SH3PXD2A: variants seen among roughly 807,000 people sequenced by gnomAD.
The protein encoded by SH3PXD2A is SH3 and PX domain-containing protein 2A.
Under a neutral mutation model 115.2 loss-of-function variants are expected in SH3PXD2A, and 32 were observed. The observed-to-expected ratio is 0.28, with a 90% CI of 0.21 to 0.37. SH3PXD2A has a LOEUF of 0.37. Among genes scored for constraint, SH3PXD2A ranks in the 10% least tolerant of loss-of-function variants. The probability of loss-of-function intolerance (pLI) is 1.00; values close to 1 mark genes in which losing one functional copy is unlikely to be tolerated. For synonymous variants in SH3PXD2A, 610 were observed against 629.1 expected, an observed-to-expected ratio of 0.97 and a Z score of 0.45; for missense variants, 1,328 against 1,498.7, an observed-to-expected ratio of 0.89 and a Z score of 1.88.
intron 2 of SH3PXD2A, among the ~76,000 whole-genome samples, chr10:103,790,204 G>T (rs1178121901): frequency 6.6e-6 from 1 of 151,660 alleles, no homozygotes; most frequent in Non-Finnish European, 1.5e-5. Flanking sequence ...GCCCAGGCTG[G>T]AGAGCAGTGG....
chr10:103,717,529 T>C (rs1332053162), intron 5 of SH3PXD2A, among the ~76,000 whole-genome samples: 1 of 152,136 alleles, frequency 6.6e-6, no homozygotes, highest in Non-Finnish European at 1.5e-5. Context: ...AAGAAAAGAA[T>C]GAGGGCGTGG....
intron 8 of SH3PXD2A, among the ~76,000 whole-genome samples, chr10:103,659,020 G>A (rs769880205): frequency 1.3e-4 from 20 of 152,346 alleles, no homozygotes; most frequent in Admixed American, 6.5e-4. Context: ...ACGGGTGGCC[G>A]TGGGGAGCTG....
At chr10:103,708,894 G>A (rs1317482849) in intron 5 of SH3PXD2A, among the ~76,000 whole-genome samples, 1 of 151,968 alleles carries the variant, frequency 6.6e-6, no homozygotes, top group Non-Finnish European at 1.5e-5. Flanking sequence ...ACTGGCTCCT[G>A]AGGCAACACT....
chr10:103,726,043 G>A lies in SH3PXD2A; in HGVS notation c.307-1682C>T, dbSNP rs1178490585. 2.0e-5 allele frequency among the ~76,000 whole-genome samples: 3 copies of A among 152,060 alleles called. No individual in the cohort carries two copies. In the East Asian group the frequency reaches 5.8e-4, roughly 29 times the overall value. Reference sequence around the variant, plus strand: ...AATTTAGTATGGGGAGAAATACTGGGGCAAGGAAGGATCCCCTGGTCCAAA... The same window carrying A: ...AATTTAGTATGGGGAGAAATACTGGAGCAAGGAAGGATCCCCTGGTCCAAA... On this transcript the variant is annotated intron_variant, in intron 4 of 14. Coordinates refer to ENST00000369774, the MANE Select transcript of SH3PXD2A (RefSeq NM_001394015.1).
chr10:103,794,973 A>T (rs2039072479), intron 2 of SH3PXD2A, among the ~76,000 whole-genome samples: 1 of 152,168 alleles, frequency 6.6e-6, no homozygotes, highest in Admixed American at 6.5e-5. Flanking sequence ...TCAGGGGGCA[A>T]CTCAGGAAGG....
At chr10:103,824,041 T>C (rs1351237393) in intron 1 of SH3PXD2A, among the ~76,000 whole-genome samples, 1 of 152,160 alleles carries the variant, frequency 6.6e-6, no homozygotes, top group Non-Finnish European at 1.5e-5. Flanking sequence ...CCCCAACCCC[T>C]GGGAGGAAAT....
chr10:103,796,220 A>G (rs529725096), intron 2 of SH3PXD2A, among the ~76,000 whole-genome samples: 17 of 151,866 alleles, frequency 1.1e-4, no homozygotes, highest in African/African-American at 4.1e-4. Context: ...AAAATTAGCT[A>G]GTCATAGTGG....
chr10:103,606,632 T>C (rs1004350110), intron 13 of SH3PXD2A, among the ~76,000 whole-genome samples: 17 of 152,160 alleles, frequency 1.1e-4, no homozygotes, highest in Admixed American at 5.2e-4. Context: ...GTGCCTGCGA[T>C]TGCAGGCGCG....
At chr10:103,823,472 C>T (rs1054629078) in intron 1 of SH3PXD2A, among the ~76,000 whole-genome samples, 1 of 152,232 alleles carries the variant, frequency 6.6e-6, no homozygotes, top group Admixed American at 6.5e-5. Context: ...TTCATGGCAA[C>T]TGAGGCACAG....
chr10:103,689,943 T>C (rs1329357567), intron 6 of SH3PXD2A, among the ~76,000 whole-genome samples: 4 of 152,134 alleles, frequency 2.6e-5, no homozygotes, highest in Non-Finnish European at 4.4e-5. Flanking sequence ...AGATTTACAG[T>C]GAACCCCAGA....
At chr10:103,715,401 G>A (rs1254794680) in intron 5 of SH3PXD2A, among the ~76,000 whole-genome samples, 1 of 152,186 alleles carries the variant, frequency 6.6e-6, no homozygotes, top group Non-Finnish European at 1.5e-5. Flanking sequence ...CCCTTGAGGT[G>A]ATTAGCCTAC....
intron 1 of SH3PXD2A, among the ~76,000 whole-genome samples, chr10:103,824,912 C>T (rs1280324781): frequency 1.3e-5 from 2 of 152,244 alleles, no homozygotes; most frequent in African/African-American, 4.8e-5. Flanking sequence ...AAGCAATTCT[C>T]GTGCCTCAGC....
chr10:103,767,027 G>T (rs767146651), intron 3 of SH3PXD2A, 67 bp downstream of exon 3: 2 of 1,214,002 alleles, frequency 1.6e-6, no homozygotes, highest in Middle Eastern at 2.0e-4. Context: ...TACTCTTCTC[G>T]GCCTAAGGGA....
chr10:103,663,827 C>G (rs1041592554), intron 7 of SH3PXD2A, among the ~76,000 whole-genome samples: 2 of 152,258 alleles, frequency 1.3e-5, no homozygotes, highest in Admixed American at 1.3e-4. Context: ...GAGGTGTGGG[C>G]CCTGCAGGCC....
chr10:103,801,140 A>G (rs567415164), intron 2 of SH3PXD2A, 142 bp downstream of exon 2: 15 of 614,312 alleles, frequency 2.4e-5, no homozygotes, highest in Non-Finnish European at 4.1e-5. Context: ...TCCACCTTCC[A>G]GCTTCCCTCC....
chr10:103,706,152 T>C (rs1275226003), intron 5 of SH3PXD2A, among the ~76,000 whole-genome samples: 5 of 152,220 alleles, frequency 3.3e-5, no homozygotes, highest in African/African-American at 4.8e-5. Flanking sequence ...GGTCACAGTG[T>C]CACAGCGTCC....
intron 3 of SH3PXD2A, among the ~76,000 whole-genome samples, chr10:103,750,144 C>T (rs80056983): frequency 0.17 from 26,424 of 152,110 alleles, 2,848 homozygotes; most frequent in East Asian, 0.3. Context: ...CCTCGACCTC[C>T]GAGCCTAAGT....
intron 3 of SH3PXD2A, among the ~76,000 whole-genome samples, chr10:103,737,122 G>C (rs540759283): frequency 6.6e-6 from 1 of 152,366 alleles, no homozygotes; most frequent in Admixed American, 6.5e-5. Flanking sequence ...AAAGCTTCTT[G>C]AGTGATTGAA....
chr10:103,841,292 C>T (rs2134317468), intron 1 of SH3PXD2A, among the ~76,000 whole-genome samples: 2 of 152,308 alleles, frequency 1.3e-5, no homozygotes, highest in Admixed American at 1.3e-4. Context: ...ACGCCCCTAC[C>T]TGCCTCCTGG....
Sources: allele counts gnomAD v4.1 joint callset (sites outside exome capture counted in the v4.1 genomes callset), GRCh38; gene constraint gnomAD v4.1.1; transcripts MANE v1.5; gene names NCBI Gene and HGNC (gene_info 2026-07-23, HGNC 2026-07-21).